The following CASD1 variants were observed in gnomAD, a reference collection of about 807,000 sequenced individuals.
The protein encoded by CASD1 is N-acetylneuraminate (7)9-O-acetyltransferase.
CASD1 carries 41 observed loss-of-function variants against 100.0 expected under a neutral mutation model. That is an observed-to-expected ratio of 0.41 (90% confidence interval 0.32 to 0.53). CASD1 has a LOEUF of 0.53. Ranked by LOEUF, CASD1 falls within the 20% of genes least tolerant of loss-of-function variation. CASD1 has a pLI of 0.25. For missense variants in CASD1, 774 were observed against 948.7 expected (o/e 0.82, Z 2.42); for synonymous variants, 321 against 315.6 (o/e 1.02, Z -0.18).
the CASD1 span, among the ~76,000 whole-genome samples, chr7:94,631,277 A>G: frequency 6.6e-6 from 1 of 151,894 alleles, no homozygotes; most frequent in Middle Eastern, 3.4e-3. Flanking sequence ...ACAGAAAAAT[A>G]GTAAAGATGA....
chr7:94,629,630 A>C, the CASD1 span: 1 of 1,153,156 alleles, frequency 8.7e-7, no homozygotes, highest in South Asian at 1.3e-5. Flanking sequence ...AATAATGTTA[A>C]TGATATTTTA....
the CASD1 span, among the ~76,000 whole-genome samples, chr7:94,606,741 G>T: frequency 6.6e-6 from 1 of 152,092 alleles, no homozygotes; most frequent in Non-Finnish European, 1.5e-5. Context: ...AAATTTAAAG[G>T]AATGGAAATC....
At position 94,529,335 on chromosome 7, in the gene CASD1, G is replaced by C. The variant is rs1051878208; in HGVS notation, c.459+1085G>C. On this transcript the variant is annotated intron_variant, in intron 5 of 17. Transcript: ENST00000297273. The stretch of plus-strand genomic sequence containing the variant: ...GCAAGATCACAGAAAACCTTTATAG[G>C]CTATTTACTAACCTGGAGATATATT... 2.0e-5 allele frequency among the ~76,000 whole-genome samples: 3 copies of C among 151,992 alleles called. No homozygotes were observed. The South Asian group carries it at 6.2e-4, about 32-fold the overall frequency.
At chr7:94,523,447 C>T (rs1794391575) in intron 3 of CASD1, among the ~76,000 whole-genome samples, 1 of 152,038 alleles carries the variant, frequency 6.6e-6, no homozygotes, top group Non-Finnish European at 1.5e-5. Flanking sequence ...TTAAAATATA[C>T]CGTGTGCAAT....
At chr7:94,566,147 T>C in the CASD1 span, among the ~76,000 whole-genome samples, 14 of 152,224 alleles carry the variant, frequency 9.2e-5, no homozygotes, top group East Asian at 2.3e-3. Flanking sequence ...CCACAAAGAA[T>C]GAGGTGAGCA....
At chr7:94,540,761 T>C (rs761071191) in intron 10 of CASD1, among the ~76,000 whole-genome samples, 2 of 152,108 alleles carry the variant, frequency 1.3e-5, no homozygotes, top group Admixed American at 6.6e-5. Context: ...GACATGAAAA[T>C]TGAATCCTAA....
chr7:94,601,686 A>G, the CASD1 span, among the ~76,000 whole-genome samples: 3 of 152,078 alleles, frequency 2.0e-5, no homozygotes, highest in African/African-American at 7.2e-5. Flanking sequence ...CACTTGAAAA[A>G]TTTTGTTAAT....
the CASD1 span, chr7:94,589,406 G>C: frequency 9.7e-5 from 15 of 154,468 alleles, no homozygotes; most frequent in African/African-American, 3.6e-4. Flanking sequence ...TTGGATCCTT[G>C]TAAGGGGATT....
the CASD1 span, chr7:94,599,599 C>A: frequency 2.1e-6 from 2 of 933,436 alleles, no homozygotes. Flanking sequence ...TGAAAGATGA[C>A]AAATGAAAAA....
intron 5 of CASD1, among the ~76,000 whole-genome samples, chr7:94,529,215 G>T (rs1245460757): frequency 6.6e-6 from 1 of 152,090 alleles, no homozygotes; most frequent in Non-Finnish European, 1.5e-5. Context: ...AATTATTTAA[G>T]CATATGTTTC....
chr7:94,608,252 G>A, the CASD1 span, among the ~76,000 whole-genome samples: 1 of 152,152 alleles, frequency 6.6e-6, no homozygotes, highest in Non-Finnish European at 1.5e-5. Flanking sequence ...TGAGCCAGGG[G>A]TTGAACCCAG....
At chr7:94,545,172 AG>A (rs1278019997) in intron 11 of CASD1, among the ~76,000 whole-genome samples, 2 of 152,128 alleles carry the variant, frequency 1.3e-5, no homozygotes, top group Non-Finnish European at 2.9e-5. Context: ...AAATGGGGTA[AG>A]TCAACATTAA....
intron 3 of CASD1, among the ~76,000 whole-genome samples, chr7:94,524,431 T>G (rs1794444194): frequency 6.6e-6 from 1 of 151,634 alleles, no homozygotes; most frequent in African/African-American, 2.4e-5. Context: ...TGGAAGTGAG[T>G]TTTTTTTATA....
At chr7:94,520,279 C>G (rs1368078821) in intron 3 of CASD1, among the ~76,000 whole-genome samples, 4 of 152,058 alleles carry the variant, frequency 2.6e-5, no homozygotes, top group Non-Finnish European at 5.9e-5. Context: ...CATAATCTGG[C>G]ATATTATAAA....
At chr7:94,601,482 A>G in the CASD1 span, among the ~76,000 whole-genome samples, 2 of 145,582 alleles carry the variant, frequency 1.4e-5, no homozygotes, top group Non-Finnish European at 3.0e-5. Flanking sequence ...AAAAACTACA[A>G]CAGTTGCACT....
At chr7:94,511,668 C>T (rs1468330608) in intron 1 of CASD1, among the ~76,000 whole-genome samples, 1 of 152,102 alleles carries the variant, frequency 6.6e-6, no homozygotes, top group Non-Finnish European at 1.5e-5. Context: ...TATAAAAGAA[C>T]AGTAATTTAA....
At chr7:94,614,106 T>TTAAAAAA in the CASD1 span, among the ~76,000 whole-genome samples, 2 of 55,172 alleles carry the variant, frequency 3.6e-5, no homozygotes, top group Non-Finnish European at 6.9e-5. Flanking sequence ...CAAATTGAAA[T>TTAAAAAA]CAAAAAAAAA....
Position 94,510,224 on chromosome 7 carries a change from G to C in CASD1, c.133+7G>C, listed in dbSNP as rs978982664. The C allele has an allele frequency of 1.3e-6, 2 of 1,498,652 alleles. No homozygotes were observed. Among genetic ancestry groups the C allele is most frequent in the Middle Eastern group, 2.4e-4 (1 of 4,204 alleles). The allele number at this position is 1,498,652 out of a possible 1,614,324, so 92.8% of individuals were successfully genotyped here. Reference sequence around the variant, plus strand: ...GCCTCCCGCCGCTACCGAGGTGAGCGGGCCCTCCCCTCTGCCCGGGCAGGC... The same window carrying C: ...GCCTCCCGCCGCTACCGAGGTGAGCCGGCCCTCCCCTCTGCCCGGGCAGGC... On this transcript the variant is annotated splice_region_variant and intron_variant, in intron 1 of 17. Coordinates refer to ENST00000297273, the MANE Select transcript of CASD1 (RefSeq NM_022900.5).
At chr7:94,609,966 C>T in the CASD1 span, among the ~76,000 whole-genome samples, 12 of 152,274 alleles carry the variant, frequency 7.9e-5, no homozygotes, top group South Asian at 1.4e-3. Context: ...AGATGTCCTC[C>T]AGTAGGTGAA....
Sources: gnomAD v4.1 joint callset for allele counts (sites outside exome capture counted in the v4.1 genomes callset) on GRCh38, gnomAD v4.1.1 for gene constraint, MANE v1.5 for transcripts, NCBI Gene and HGNC (gene_info 2026-07-23, HGNC 2026-07-21) for gene names.